Variants in CREM observed in about 807,000 individuals in gnomAD.
CREM encodes the protein cAMP responsive element modulator.
Under a neutral mutation model 37.3 loss-of-function variants are expected in CREM, and 13 were observed. The ratio of observed to expected loss-of-function variants is 0.35; its 90% CI spans 0.23 to 0.55. The LOEUF (loss-of-function observed/expected upper bound fraction) is 0.55, where lower values mean the gene tolerates loss of function less well. CREM is among the 20% of genes least tolerant of loss of function. The pLI, the probability that CREM is intolerant of heterozygous loss-of-function variation, is 0.88. For synonymous variants in CREM, 124 were observed against 120.2 expected (o/e 1.03, Z -0.21); for missense variants, 296 against 362.3 (o/e 0.82, Z 1.49).
chr10:35,142,997 A>G (rs2091631089), intron 2 of CREM, among the ~76,000 whole-genome samples: 1 of 152,172 alleles, frequency 6.6e-6, no homozygotes, highest in Non-Finnish European at 1.5e-5. Flanking sequence ...GGTTTTATCC[A>G]AGATTGGTAC....
chr10:35,203,803 C>T (rs932434416), intron 6 of CREM, among the ~76,000 whole-genome samples: 4 of 150,960 alleles, frequency 2.6e-5, no homozygotes, highest in South Asian at 2.1e-4. Context: ...TACAAGAAAA[C>T]AGCAAACGTC....
intron 5 of CREM, among the ~76,000 whole-genome samples, chr10:35,185,234 C>G (rs576491459): frequency 6.6e-6 from 1 of 151,904 alleles, no homozygotes; most frequent in Non-Finnish European, 1.5e-5. Context: ...TCCCGAGGAG[C>G]TGGGATTGCA....
chr10:35,130,737 G>C (rs1244850873), intron 1 of CREM, among the ~76,000 whole-genome samples: 2 of 152,186 alleles, frequency 1.3e-5, no homozygotes, highest in African/African-American at 4.8e-5. Flanking sequence ...TTGTAGCCTA[G>C]GAGCAACAGG....
At chr10:35,147,041 GTTTT>G (rs755346866) in intron 2 of CREM, among the ~76,000 whole-genome samples, 14 of 120,988 alleles carry the variant, frequency 1.2e-4, no homozygotes, top group East Asian at 2.7e-4. Context: ...AGTTTTTTGG[GTTTT>G]TTTTTTTTTT....
rs983906987 is a variant in CREM at position 35,137,984 on chromosome 10, A to G, written c.44+105A>G. 19 of 710,034 alleles carry G rather than the reference A, an allele frequency of 2.7e-5. No individual in the cohort carries two copies. In the African/African-American group the frequency reaches 3.2e-4, roughly 12 times the overall value. 44.0% of individuals were successfully genotyped at this position (710,034 alleles called of 1,614,324 possible). On this transcript the variant is annotated intron_variant, in intron 2 of 7. Transcript: ENST00000685392. ...TGTACACATACATGTATGTATGTAT[A>G]TATATTCTATTATAATATATACTCA...
chr10:35,198,407 C>T (rs1281968789), intron 6 of CREM, among the ~76,000 whole-genome samples: 5 of 151,796 alleles, frequency 3.3e-5, no homozygotes, highest in Non-Finnish European at 5.9e-5. Context: ...CCTGTAATCT[C>T]AGCTACTCGG....
chr10:35,140,752 C>T (rs1430696069), intron 2 of CREM, among the ~76,000 whole-genome samples: 1 of 152,150 alleles, frequency 6.6e-6, no homozygotes, highest in Non-Finnish European at 1.5e-5. Context: ...CGAACCAGGC[C>T]TTGACAGACT....
At chr10:35,149,564 G>T (rs549694940) in intron 3 of CREM, among the ~76,000 whole-genome samples, 1 of 152,246 alleles carries the variant, frequency 6.6e-6, no homozygotes, top group African/African-American at 2.4e-5. Flanking sequence ...CACCATCAGG[G>T]TGCCTGGTGG....
intron 3 of CREM, among the ~76,000 whole-genome samples, chr10:35,166,057 T>C (rs1564854921): frequency 6.6e-6 from 1 of 152,168 alleles, no homozygotes; most frequent in Non-Finnish European, 1.5e-5. Flanking sequence ...TCAATTCAGA[T>C]TATGGATTTC....
At position 35,137,942 on chromosome 10, in the gene CREM, A is replaced by G; in HGVS notation, c.44+63A>G. 7.2e-6 allele frequency: 9 copies of G among 1,254,760 alleles called. No individual in the cohort carries two copies. In the South Asian group the frequency reaches 8.3e-5, roughly 12 times the overall value. 77.7% of individuals were successfully genotyped at this position (1,254,760 alleles called of 1,614,324 possible). On this transcript the variant is annotated intron_variant, in intron 2 of 7. Coordinates refer to ENST00000685392, the MANE Select transcript of CREM (RefSeq NM_183011.2). ...CTACTTAGCTTAAAGTTCATGATGAATAAATTGATATATAGATGTACACAT... is the reference window on the plus strand; with the variant it reads ...CTACTTAGCTTAAAGTTCATGATGAGTAAATTGATATATAGATGTACACAT...
intron 1 of CREM, among the ~76,000 whole-genome samples, chr10:35,128,785 A>G (rs918255865): frequency 6.6e-6 from 1 of 152,070 alleles, no homozygotes. Flanking sequence ...TCGGCCTCCC[A>G]AAGTGCTGGG....
chr10:35,160,766 TA>T (rs1355052265), intron 3 of CREM, among the ~76,000 whole-genome samples: 1 of 152,268 alleles, frequency 6.6e-6, no homozygotes, highest in Non-Finnish European at 1.5e-5. Flanking sequence ...TTATGCTGTG[TA>T]AACCTTTTCT....
intron 6 of CREM, chr10:35,201,448 C>G: frequency 6.4e-7 from 1 of 1,551,474 alleles, no homozygotes; most frequent in Non-Finnish European, 8.7e-7. Context: ...CCCCATTTTA[C>G]AGATGAGGAA....
intron 5 of CREM, among the ~76,000 whole-genome samples, chr10:35,185,527 AC>A (rs1359884589): frequency 2.0e-5 from 3 of 152,226 alleles, no homozygotes; most frequent in African/African-American, 7.2e-5. Flanking sequence ...ATGAAAACAT[AC>A]ACAATTTACT....
chr10:35,136,980 C>T (rs2090635207), intron 1 of CREM, among the ~76,000 whole-genome samples: 1 of 152,044 alleles, frequency 6.6e-6, no homozygotes. Flanking sequence ...GCCACCATAC[C>T]TGGTCAGTTT....
chr10:35,137,101 A>G (rs1015358590), intron 1 of CREM, among the ~76,000 whole-genome samples: 1 of 152,180 alleles, frequency 6.6e-6, no homozygotes, highest in Admixed American at 6.5e-5. Context: ...GGTGTGAGCC[A>G]CCATGTCTGG....
chr10:35,162,206 G>A (rs2093334404), intron 3 of CREM, among the ~76,000 whole-genome samples: 3 of 152,190 alleles, frequency 2.0e-5, no homozygotes, highest in Admixed American at 1.3e-4. Context: ...ACTCATGTGT[G>A]GAGTCTAAAA....
chr10:35,199,460 T>TA (rs925240904), intron 6 of CREM, among the ~76,000 whole-genome samples: 63 of 152,260 alleles, frequency 4.1e-4, no homozygotes, highest in African/African-American at 1.5e-3. Context: ...AACTTTAAAA[T>TA]AAAAAAATCA....
intron 3 of CREM, chr10:35,175,834 A>G (rs775936193): frequency 1.3e-6 from 2 of 1,598,800 alleles, no homozygotes; most frequent in Non-Finnish European, 1.7e-6. Flanking sequence ...TTAATCCTCA[A>G]TGGTGATCAT....
Sources: allele counts gnomAD v4.1 joint callset (sites outside exome capture counted in the v4.1 genomes callset), GRCh38; gene constraint gnomAD v4.1.1; transcripts MANE v1.5; gene names NCBI Gene and HGNC (gene_info 2026-07-23, HGNC 2026-07-21).